The following ASAP2 variants were observed in gnomAD, a reference collection of about 807,000 sequenced individuals.
The protein encoded by ASAP2 is ArfGAP with SH3 domain, ankyrin repeat and PH domain 2.
A neutral mutation model predicts 131.4 loss-of-function variants in ASAP2; 45 were observed. The ratio of observed to expected loss-of-function variants is 0.34; its 90% CI spans 0.27 to 0.44. The LOEUF is 0.44. ASAP2 is among the 20% of genes least tolerant of loss of function. The pLI is 1.00. For missense variants in ASAP2, 1,011 were observed against 1,297.0 expected (o/e 0.78, Z 3.39); for synonymous variants, 510 against 503.0 (o/e 1.01, Z -0.19).
intron 1 of ASAP2, among the ~76,000 whole-genome samples, chr2:9,235,738 C>G (rs745481491): frequency 2.0e-5 from 3 of 152,126 alleles, no homozygotes; most frequent in Admixed American, 6.5e-5. Flanking sequence ...GGCCTGGCAG[C>G]TGTGATGGGA....
chr2:9,378,233 C>G (rs1282878689), intron 18 of ASAP2, among the ~76,000 whole-genome samples: 1 of 152,216 alleles, frequency 6.6e-6, no homozygotes. Context: ...GCACAAAGCT[C>G]ACTGCCCCTC....
chr2:9,271,873 T>C (rs1204580443), intron 1 of ASAP2, among the ~76,000 whole-genome samples: 1 of 152,186 alleles, frequency 6.6e-6, no homozygotes, highest in Admixed American at 6.5e-5. Context: ...TCCACATCAT[T>C]GCAGCTGACA....
chr2:9,207,324 T>C lies in ASAP2; in HGVS notation c.126+94T>C. ...ATCCGCATCCCGAGAAAACTTTCTT[T>C]GCTCCGAAGCCGGACGCGGCCGGGC... On this transcript the variant is annotated intron_variant, in intron 1 of 27. Coordinates refer to ENST00000281419, the MANE Select transcript of ASAP2 (RefSeq NM_003887.3). This position sits in a 1 kb window ranked among gnomAD's most constrained non-coding sequence, Gnocchi z 4.1. The C allele has an allele frequency of 2.8e-6, 4 of 1,418,544 alleles. No homozygotes were observed. Among genetic ancestry groups the C allele is most frequent in the Non-Finnish European group, 3.7e-6 (4 of 1,084,940 alleles). 87.9% of individuals were successfully genotyped at this position (1,418,544 alleles called of 1,614,324 possible).
chr2:9,234,235 G>T (rs1462381285), intron 1 of ASAP2, among the ~76,000 whole-genome samples: 1 of 151,838 alleles, frequency 6.6e-6, no homozygotes, highest in Admixed American at 6.6e-5. Context: ...TTTTCTTCTT[G>T]ACGCTATTTG....
chr2:9,288,966 T>C (rs2148353978), intron 2 of ASAP2, among the ~76,000 whole-genome samples: 1 of 152,340 alleles, frequency 6.6e-6, no homozygotes, highest in Non-Finnish European at 1.5e-5. Flanking sequence ...AAATGTCATC[T>C]GCTCCAAGAA....
At chr2:9,364,509 C>CA (rs1181525067) in intron 15 of ASAP2, among the ~76,000 whole-genome samples, 2 of 152,116 alleles carry the variant, frequency 1.3e-5, no homozygotes, top group Non-Finnish European at 2.9e-5. Context: ...TGTCTCAAAA[C>CA]AAAAAAACAT....
intron 1 of ASAP2, among the ~76,000 whole-genome samples, chr2:9,233,384 T>C (rs1301006100): frequency 6.6e-6 from 1 of 152,230 alleles, no homozygotes; most frequent in African/African-American, 2.4e-5. Flanking sequence ...CTATTTTCCT[T>C]TATGGGCTCT....
In ASAP2 at chr2:9,400,788, G is replaced by A. The variant is rs1272078524; in HGVS notation, c.2781G>A (p.Met927Ile). The change falls in exon 26 of 28, where the codon ATG becomes ATA. Residue 927 changes from methionine to isoleucine, a missense_variant. Coordinates refer to ENST00000281419, the MANE Select transcript of ASAP2 (RefSeq NM_003887.3). The stretch of plus-strand genomic sequence containing the variant: ...CTCTGGGTCCTCTGTCCAATGCTAT[G>A]GTCCTGCAGCCCCCTGCACCCATGC... ...TEALGPLSNA[M>I]VLQPPAPMPR... 2 of 1,613,730 alleles carry A rather than the reference G, an allele frequency of 1.2e-6. No homozygotes were observed. The highest frequency in any genetic ancestry group is 1.7e-6 in the Non-Finnish European group (2 of 1,179,978).
At chr2:9,270,784 C>CTTTTTTTTTTTTT (rs1666294703) in intron 1 of ASAP2, among the ~76,000 whole-genome samples, 45 of 69,706 alleles carry the variant, frequency 6.5e-4, no homozygotes, top group Non-Finnish European at 1.0e-3. Flanking sequence ...CAATTGTTTT[C>CTTTTTTTTTTTTT]ATTTTTTTTT....
chr2:9,381,563 C>T (rs1674844309), intron 20 of ASAP2, among the ~76,000 whole-genome samples: 1 of 152,218 alleles, frequency 6.6e-6, no homozygotes, highest in Non-Finnish European at 1.5e-5. Flanking sequence ...TAGTGAGACT[C>T]TGTCTCTGCA....
At chr2:9,243,796 C>T (rs1170325581) in intron 1 of ASAP2, among the ~76,000 whole-genome samples, 1 of 152,138 alleles carries the variant, frequency 6.6e-6, no homozygotes, top group African/African-American at 2.4e-5. Flanking sequence ...GCTGAGGATT[C>T]TAAATATGGG....
chr2:9,354,376 G>A (rs969915225), intron 12 of ASAP2, among the ~76,000 whole-genome samples: 2 of 152,186 alleles, frequency 1.3e-5, no homozygotes, highest in Admixed American at 6.5e-5. Context: ...GAAGCCGTCC[G>A]CTTATTTGTA....
At chr2:9,327,156 G>A (rs1245568490) in intron 6 of ASAP2, among the ~76,000 whole-genome samples, 2 of 148,118 alleles carry the variant, frequency 1.4e-5, no homozygotes, top group Non-Finnish European at 3.0e-5. Flanking sequence ...CTTTACAGCT[G>A]AGAGCCAGGG....
intron 7 of ASAP2, among the ~76,000 whole-genome samples, chr2:9,333,326 A>G (rs1251484899): frequency 6.6e-6 from 1 of 152,228 alleles, no homozygotes; most frequent in African/African-American, 2.4e-5. Flanking sequence ...TTCATATCTA[A>G]TGAGGGAATT....
intron 1 of ASAP2, among the ~76,000 whole-genome samples, chr2:9,259,898 C>T (rs546495735): frequency 6.6e-6 from 1 of 152,344 alleles, no homozygotes; most frequent in East Asian, 1.9e-4. Flanking sequence ...CTGCATAGTC[C>T]TTGGGCTAAG....
chr2:9,277,456 G>A (rs746863587), intron 1 of ASAP2, among the ~76,000 whole-genome samples: 1 of 152,190 alleles, frequency 6.6e-6, no homozygotes, highest in Non-Finnish European at 1.5e-5. Context: ...AACCACTTGG[G>A]AAAATACGAG....
At position 9,318,060 on chromosome 2, in the gene ASAP2, G is replaced by A. The variant is rs186403728; in HGVS notation, c.346-464G>A. On this transcript the variant is annotated intron_variant, in intron 3 of 27. Transcript: ENST00000281419. ...TCGTGTGCCTTTGCAGCAGACAGAA[G>A]ACTCTGCCTTTGTTTCCCCTGCTTG... Among the ~76,000 whole-genome samples the A allele has an allele frequency of 9.8e-5, 15 of 152,312 alleles. No homozygotes were observed. In the East Asian group the frequency reaches 2.9e-3, roughly 29 times the overall value.
intron 1 of ASAP2, among the ~76,000 whole-genome samples, chr2:9,278,092 G>A (rs1442199788): frequency 6.6e-6 from 1 of 152,148 alleles, no homozygotes; most frequent in Non-Finnish European, 1.5e-5. Context: ...ACACTCAATA[G>A]CAGTAGTTAT....
At chr2:9,280,518 C>G (rs767552789) in intron 2 of ASAP2, among the ~76,000 whole-genome samples, 2 of 152,180 alleles carry the variant, frequency 1.3e-5, no homozygotes, top group Non-Finnish European at 2.9e-5. Context: ...TATTTAGGAA[C>G]AAATTTAACA....
Sources: gnomAD v4.1 joint callset for allele counts (sites outside exome capture counted in the v4.1 genomes callset) on GRCh38, gnomAD v4.1.1 for gene constraint, Gnocchi (gnomAD v3.1) non-coding constraint, MANE v1.5 for transcripts, NCBI Gene and HGNC (gene_info 2026-07-23, HGNC 2026-07-21) for gene names.